Variants in AHRR observed in about 807,000 individuals in gnomAD.
AHRR encodes ahR repressor.
Under a neutral mutation model 44.0 loss-of-function variants are expected in AHRR, and 28 were observed. That is an observed-to-expected ratio of 0.64 (90% CI 0.47 to 0.87). The LOEUF (loss-of-function observed/expected upper bound fraction) is 0.87, where lower values mean the gene tolerates loss of function less well. Ranked by LOEUF, AHRR falls within the 40% of genes least tolerant of loss-of-function variation. AHRR has a pLI of 0.00. For missense variants in AHRR, 990 were observed against 953.9 expected, an observed-to-expected ratio of 1.04 and a Z score of -0.50; for synonymous variants, 434 against 407.0, an observed-to-expected ratio of 1.07 and a Z score of -0.80.
chr5:321,913 C>T lies in AHRR; in HGVS notation c.-11+94C>T, dbSNP rs1252027233. ...CGGGTGTGGGGCTGAGGGACGGGCGCCGGCGTCGGGACCCTCCTCACGCCG... is the reference window on the plus strand; with the variant it reads ...CGGGTGTGGGGCTGAGGGACGGGCGTCGGCGTCGGGACCCTCCTCACGCCG... On this transcript the variant is annotated intron_variant, in intron 1 of 10. Transcript: ENST00000684583. The surrounding 1 kb of genome is among the most constrained non-coding windows in gnomAD (Gnocchi z 8.3). The T allele has an allele frequency of 6.6e-6, 1 of 151,986 alleles. No individual in the cohort carries two copies. The highest frequency in any genetic ancestry group is 1.5e-5 in the Non-Finnish European group (1 of 67,976). 9.4% of individuals were successfully genotyped at this position (151,986 alleles called of 1,614,324 possible).
At chr5:355,823 C>T (rs766872476) in intron 3 of AHRR, among the ~76,000 whole-genome samples, 2 of 152,250 alleles carry the variant, frequency 1.3e-5, no homozygotes, top group African/African-American at 4.8e-5. Context: ...CAGGGGCCAC[C>T]GGCTTACGAG....
chr5:431,171 C>T (rs979761894), intron 8 of AHRR, among the ~76,000 whole-genome samples: 6 of 152,206 alleles, frequency 3.9e-5, no homozygotes, highest in East Asian at 1.9e-4. Context: ...GCCCTGTGTG[C>T]GCACAGCCCT....
At chr5:340,688 ATTTTTTTTTTT>A (rs539789608) in intron 1 of AHRR, among the ~76,000 whole-genome samples, 11 of 12,928 alleles carry the variant, frequency 8.5e-4, no homozygotes, top group Non-Finnish European at 1.1e-3. Flanking sequence ...ATATATATAT[ATTTTTTTTTTT>A]TTTTTTTTTT....
chr5:415,735 G>GGT (rs1176488251), intron 5 of AHRR, among the ~76,000 whole-genome samples: 2 of 138,584 alleles, frequency 1.4e-5, no homozygotes, highest in African/African-American at 2.5e-5. Context: ...TAGGGGCTGT[G>GGT]CAGAGCAGCA....
intron 2 of AHRR, among the ~76,000 whole-genome samples, chr5:349,791 T>C (rs556970565): frequency 6.6e-6 from 1 of 152,302 alleles, no homozygotes; most frequent in East Asian, 1.9e-4. Context: ...TTTTTGGATA[T>C]TGCATGAGGG....
intron 4 of AHRR, among the ~76,000 whole-genome samples, chr5:389,257 C>T (rs922041760): frequency 6.6e-6 from 1 of 152,072 alleles, no homozygotes; most frequent in South Asian, 2.1e-4. Context: ...CCAGCAGATG[C>T]GGCTGAAGGA....
In AHRR at chr5:338,161, T is replaced by G. The variant is rs1045838312; in HGVS notation, c.-10-5732T>G. Among the ~76,000 whole-genome samples the G allele has an allele frequency of 3.3e-5, 5 of 152,252 alleles. No homozygotes were observed. Among genetic ancestry groups the G allele is most frequent in the African/African-American group, 1.2e-4 (5 of 41,468 alleles). The stretch of plus-strand genomic sequence containing the variant: ...TGTTGTGAACCCCACAACACACTGT[T>G]GTTATTGCTTAGTCACTTATCTTTT... On this transcript the variant is annotated intron_variant, in intron 1 of 10. Coordinates refer to ENST00000684583, the MANE Select transcript of AHRR (RefSeq NM_001377236.1). This position sits in a 1 kb window ranked among gnomAD's most constrained non-coding sequence, Gnocchi z 4.1.
At chr5:376,469 C>G in intron 3 of AHRR, 141 bp from the exon 4 acceptor site, 1 of 16,428 alleles carries the variant, frequency 6.1e-5, no homozygotes, top group Non-Finnish European at 3.7e-4. Flanking sequence ...GCGTGGCCTG[C>G]AGAGGGGTCA....
In AHRR at chr5:404,449, G is replaced by A. The variant is rs1473372297; in HGVS notation, c.352-8895G>A. ...GAAGCAACAGGGGACCACTGTGCTG[G>A]TGCTGTCGTGCACGGTGTGTTCACC... On this transcript the variant is annotated intron_variant, in intron 4 of 10. Coordinates refer to ENST00000684583, the MANE Select transcript of AHRR (RefSeq NM_001377236.1). This position sits in a 1 kb window ranked among gnomAD's most constrained non-coding sequence, Gnocchi z 4.1. 1.1e-5 allele frequency: 6 copies of A among 532,694 alleles called. No individual in the cohort carries two copies. The East Asian group carries it at 2.6e-4, about 23-fold the overall frequency. The allele number at this position is 532,694 out of a possible 1,614,324, so 33.0% of individuals were successfully genotyped here.
Position 411,250 on chromosome 5 carries a change from C to G in AHRR, c.352-2094C>G, listed in dbSNP as rs1189902938. Among the ~76,000 whole-genome samples, 1 of 151,950 alleles carries G rather than the reference C, an allele frequency of 6.6e-6. No individual in the cohort carries two copies. Among genetic ancestry groups the G allele is most frequent in the African/African-American group, 2.4e-5 (1 of 41,368 alleles). On this transcript the variant is annotated intron_variant, in intron 4 of 10. Transcript: ENST00000684583. The surrounding 1 kb of genome is among the most constrained non-coding windows in gnomAD (Gnocchi z 4.2). ...AGGGACTACATACATACTTTTGAAA[C>G]AGTCATTTTAAGCTCACTGGCATTT...
intron 4 of AHRR, among the ~76,000 whole-genome samples, chr5:386,856 T>C (rs952970866): frequency 6.6e-6 from 1 of 151,966 alleles, no homozygotes; most frequent in South Asian, 2.1e-4. Context: ...GCCCTGAGGC[T>C]CTGGGTCCTG....
chr5:400,945 T>A (rs906821490), intron 4 of AHRR, among the ~76,000 whole-genome samples: 4 of 152,168 alleles, frequency 2.6e-5, no homozygotes, highest in African/African-American at 9.7e-5. Flanking sequence ...GGCACAGACC[T>A]CTCCCAGCAG....
At chr5:416,543 G>A (rs6555243) in intron 5 of AHRR, among the ~76,000 whole-genome samples, 3,922 of 152,286 alleles carry the variant, frequency 0.026, 142 homozygotes, top group African/African-American at 0.086. Context: ...CTGTGAGAGG[G>A]GACCTGAAGT....
At chr5:414,350 G>T (rs186129570) in intron 5 of AHRR, among the ~76,000 whole-genome samples, 1 of 152,274 alleles carries the variant, frequency 6.6e-6, no homozygotes, top group Non-Finnish European at 1.5e-5. Flanking sequence ...AGGAGCTGGG[G>T]TCCCTCATGG....
chr5:421,220 C>T (rs1378298739), intron 5 of AHRR: 11 of 681,702 alleles, frequency 1.6e-5, no homozygotes, highest in Non-Finnish European at 2.9e-5. Context: ...GCGGCCTCCT[C>T]GTCGGCAACG....
intron 1 of AHRR, among the ~76,000 whole-genome samples, chr5:340,675 TATATATA>T (rs1560881476): frequency 9.5e-4 from 26 of 27,382 alleles, no homozygotes; most frequent in Non-Finnish European, 1.6e-3. Flanking sequence ...TATATATATA[TATATATA>T]TATATATTTT....
intron 3 of AHRR, among the ~76,000 whole-genome samples, chr5:375,958 T>C (rs1212391158): frequency 7.6e-6 from 1 of 132,450 alleles, no homozygotes; most frequent in Non-Finnish European, 1.6e-5. Context: ...CTGTGCGCAG[T>C]CACTGGGAAG....
rs1735207416 is a variant in AHRR at position 405,274 on chromosome 5, C to T, written c.352-8070C>T. 6.6e-6 allele frequency among the ~76,000 whole-genome samples: 1 copy of T among 152,102 alleles called. No individual in the cohort carries two copies. The highest frequency in any genetic ancestry group is 2.4e-5 in the African/African-American group (1 of 41,400). ...CACGGGAATGAAAATGTACAAATAC[C>T]ATGGTTCATGGTAGCTCCTCAGATG... is the stretch of plus-strand genomic sequence containing the variant. On this transcript the variant is annotated intron_variant, in intron 4 of 10. Transcript: ENST00000684583. This position sits in a 1 kb window ranked among gnomAD's most constrained non-coding sequence, Gnocchi z 4.5.
At chr5:396,098 G>A (rs1264343534) in intron 4 of AHRR, among the ~76,000 whole-genome samples, 1 of 152,214 alleles carries the variant, frequency 6.6e-6, no homozygotes, top group Non-Finnish European at 1.5e-5. Flanking sequence ...GGGGCAGTGG[G>A]GGCCTGCAGC....
Sources: allele counts gnomAD v4.1 joint callset (sites outside exome capture counted in the v4.1 genomes callset), GRCh38; gene constraint gnomAD v4.1.1; non-coding constraint Gnocchi (gnomAD v3.1); transcripts MANE v1.5; gene names NCBI Gene and HGNC (gene_info 2026-07-23, HGNC 2026-07-21).